Variants in TUSC3 observed in about 807,000 individuals in gnomAD.
The protein encoded by TUSC3 is tumor suppressor candidate 3, also known as dolichyl-diphosphooligosaccharide--protein glycosyltransferase subunit TUSC3.
In TUSC3, 45 loss-of-function variants were observed where a neutral mutation model predicts 44.8. The observed-to-expected ratio is 1.00, with a 90% CI of 0.79 to 1.29. TUSC3 has a LOEUF of 1.29. Ranked by LOEUF, TUSC3 falls within the 50% of genes most tolerant of loss-of-function variation. The pLI is 0.00. For missense variants in TUSC3, 519 were observed against 437.9 expected, an observed-to-expected ratio of 1.19 and a Z score of -1.65; for synonymous variants, 212 against 152.9, an observed-to-expected ratio of 1.39 and a Z score of -2.85.
chr8:15,488,737 G>T (rs1183582880), intron 2 of TUSC3, among the ~76,000 whole-genome samples: 1 of 152,166 alleles, frequency 6.6e-6, no homozygotes, highest in Non-Finnish European at 1.5e-5. Context: ...GATGTGGCAA[G>T]AAAGTGCAGA....
chr8:15,757,974 T>C (rs1037566310), intron 10 of TUSC3, 119 bp downstream of exon 10: 3 of 1,494,260 alleles, frequency 2.0e-6, no homozygotes, highest in Non-Finnish European at 2.7e-6. Flanking sequence ...GTAAGATAAC[T>C]TTTAACTGTG....
intron 1 of TUSC3, among the ~76,000 whole-genome samples, chr8:15,435,226 T>C (rs1319291897): frequency 6.6e-6 from 1 of 151,956 alleles, no homozygotes; most frequent in Non-Finnish European, 1.5e-5. Flanking sequence ...ATGATCGCCA[T>C]TCTAACTGGT....
chr8:15,670,297 C>T (rs376295188), intron 5 of TUSC3, among the ~76,000 whole-genome samples: 4 of 151,770 alleles, frequency 2.6e-5, no homozygotes, highest in South Asian at 4.1e-4. Context: ...GGAGAACTTA[C>T]ACTTACAGAT....
At chr8:15,587,740 C>G (rs920336745) in intron 1 of TUSC3, among the ~76,000 whole-genome samples, 1 of 152,112 alleles carries the variant, frequency 6.6e-6, no homozygotes. Flanking sequence ...CTACATTTCA[C>G]AGCCTCTAAT....
chr8:15,572,723 G>C (rs9643927), intron 1 of TUSC3, among the ~76,000 whole-genome samples: 32,562 of 152,024 alleles, frequency 0.21, 3,543 homozygotes, highest in Middle Eastern at 0.27. Flanking sequence ...GTCATTGTTG[G>C]GTTATTCATT....
intron 1 of TUSC3, among the ~76,000 whole-genome samples, chr8:15,562,470 C>G (rs1027998284): frequency 2.0e-5 from 3 of 152,060 alleles, no homozygotes; most frequent in African/African-American, 4.8e-5. Flanking sequence ...AAAAAATTGC[C>G]ACAATTTAGT....
In TUSC3 at chr8:15,764,474, A is replaced by C. The variant is rs1021246844; in HGVS notation, c.*318A>C. 1.5e-5 allele frequency: 6 copies of C among 407,240 alleles called. No homozygotes were observed. The highest frequency in any genetic ancestry group is 2.8e-5 in the Non-Finnish European group (6 of 216,282). The allele number at this position is 407,240 out of a possible 1,614,324, so 25.2% of individuals were successfully genotyped here. ...TGCCACAGGATTGAAATAAATGACA[A>C]TGTAATTATGAATTCATGTTTTAGA... On this transcript the variant is annotated 3_prime_UTR_variant, in exon 11 of 11. Coordinates refer to ENST00000503731, the MANE Select transcript of TUSC3 (RefSeq NM_006765.4).
At chr8:15,427,340 G>A (rs1039302640) in intron 1 of TUSC3, among the ~76,000 whole-genome samples, 2 of 151,710 alleles carry the variant, frequency 1.3e-5, no homozygotes, top group Non-Finnish European at 2.9e-5. Context: ...GGAGTGTCAG[G>A]CAGCCATCAG....
intron 1 of TUSC3, among the ~76,000 whole-genome samples, chr8:15,559,026 A>G (rs1228724092): frequency 6.9e-6 from 1 of 145,112 alleles, no homozygotes; most frequent in Non-Finnish European, 1.5e-5. Flanking sequence ...GATTTTAGTT[A>G]TTTCTTGCTT....
At chr8:15,424,862 G>C (rs1339870624) in intron 1 of TUSC3, among the ~76,000 whole-genome samples, 1 of 147,810 alleles carries the variant, frequency 6.8e-6, no homozygotes, top group African/African-American at 2.5e-5. Context: ...CTGGGTGACA[G>C]AGCGAGACTC....
chr8:15,584,488 C>T (rs751130304), intron 1 of TUSC3, among the ~76,000 whole-genome samples: 1 of 152,170 alleles, frequency 6.6e-6, no homozygotes, highest in Non-Finnish European at 1.5e-5. Context: ...ACATCCTTTT[C>T]AGAGACTCTT....
At chr8:15,434,842 A>G (rs1799925616) in intron 1 of TUSC3, among the ~76,000 whole-genome samples, 1 of 152,044 alleles carries the variant, frequency 6.6e-6, no homozygotes, top group African/African-American at 2.4e-5. Flanking sequence ...AACTTCATCC[A>G]TGTCCCTACA....
chr8:15,540,941 TA>T (rs1801667464), intron 1 of TUSC3, among the ~76,000 whole-genome samples: 1 of 152,232 alleles, frequency 6.6e-6, no homozygotes, highest in Non-Finnish European at 1.5e-5. Flanking sequence ...ATGTTTTCCT[TA>T]TTTTCTTACT....
At chr8:15,613,464 C>G (rs147636905) in intron 1 of TUSC3, among the ~76,000 whole-genome samples, 8 of 152,070 alleles carry the variant, frequency 5.3e-5, no homozygotes, top group South Asian at 2.1e-4. Flanking sequence ...TGCATTGGCC[C>G]ATGCAGTTTT....
chr8:15,804,041 T>C, the TUSC3 span, among the ~76,000 whole-genome samples: 1 of 152,306 alleles, frequency 6.6e-6, no homozygotes, highest in East Asian at 1.9e-4. Flanking sequence ...GTAGAATGAT[T>C]TATAATCCTT....
At chr8:15,720,392 C>G (rs1425430663) in intron 6 of TUSC3, among the ~76,000 whole-genome samples, 1 of 152,006 alleles carries the variant, frequency 6.6e-6, no homozygotes, top group Non-Finnish European at 1.5e-5. Flanking sequence ...ACCAGTAACA[C>G]TCATTATTAG....
At chr8:15,551,059 C>T (rs1802045507) in intron 1 of TUSC3, among the ~76,000 whole-genome samples, 1 of 151,722 alleles carries the variant, frequency 6.6e-6, no homozygotes, top group African/African-American at 2.4e-5. Context: ...TTGGGAAAGT[C>T]ACTTAACCGT....
intron 1 of TUSC3, among the ~76,000 whole-genome samples, chr8:15,446,835 C>A (rs1800111481): frequency 7.0e-6 from 1 of 142,020 alleles, no homozygotes; most frequent in East Asian, 2.1e-4. Context: ...AAAGGAGAGG[C>A]AGAAGTTCAT....
intron 2 of TUSC3, among the ~76,000 whole-genome samples, chr8:15,524,497 T>G (rs1036666795): frequency 3.3e-5 from 5 of 152,212 alleles, no homozygotes; most frequent in Admixed American, 1.3e-4. Context: ...TATTAAAGCC[T>G]ATATTTTTTT....
Sources: allele counts gnomAD v4.1 joint callset (sites outside exome capture counted in the v4.1 genomes callset), GRCh38; gene constraint gnomAD v4.1.1; transcripts MANE v1.5; gene names NCBI Gene and HGNC (gene_info 2026-07-23, HGNC 2026-07-21).